Variants in ANK2 observed in about 807,000 individuals in gnomAD.
ANK2 encodes ankyrin 2.
Under a neutral mutation model 360.5 loss-of-function variants are expected in ANK2, and 83 were observed. The observed-to-expected ratio is 0.23, with a 90% CI of 0.19 to 0.28. The LOEUF is 0.28. ANK2 is among the 10% of genes least tolerant of loss of function. The pLI is 1.00. For missense variants in ANK2, 4,201 were observed against 4,795.7 expected, an observed-to-expected ratio of 0.88 and a Z score of 3.66; for synonymous variants, 1,740 against 1,759.5, an observed-to-expected ratio of 0.99 and a Z score of 0.28.
At chr4:113,361,453 C>T (rs2096220271) in intron 39 of ANK2, among the ~76,000 whole-genome samples, 1 of 150,872 alleles carries the variant, frequency 6.6e-6, no homozygotes, top group African/African-American at 2.4e-5. Context: ...ACTTTATTTA[C>T]ACATTATGAA....
chr4:112,967,194 G>A (rs936929290), intron 2 of ANK2, among the ~76,000 whole-genome samples: 1 of 152,174 alleles, frequency 6.6e-6, no homozygotes, highest in Non-Finnish European at 1.5e-5. Flanking sequence ...AGGAGGGTGC[G>A]ATTTGTGAGA....
intron 2 of ANK2, 22 bp downstream of exon 2, chr4:113,174,539 C>T (rs776004030): frequency 6.6e-7 from 1 of 1,526,580 alleles, no homozygotes; most frequent in Non-Finnish European, 9.1e-7. Context: ...GCAGCTAGCT[C>T]TGTGTTGTGC....
intron 2 of ANK2, among the ~76,000 whole-genome samples, chr4:112,928,069 T>C (rs2047645474): frequency 6.6e-6 from 1 of 152,232 alleles, no homozygotes; most frequent in Admixed American, 6.5e-5. Context: ...TTTTGGAATA[T>C]GTCATAAAAA....
chr4:113,247,166 A>C (rs539528419), intron 9 of ANK2, among the ~76,000 whole-genome samples: 2 of 151,980 alleles, frequency 1.3e-5, no homozygotes, highest in African/African-American at 4.8e-5. Flanking sequence ...CTAGAGAAAA[A>C]AAAAAAAACA....
Position 113,196,403 on chromosome 4 carries a change from A to G in ANK2, c.222A>G (p.Glu74=). The change falls in exon 3 of 46, where the codon GAA becomes GAG. Residue 74 remains glutamate, a synonymous_variant. Coordinates refer to ENST00000357077, the MANE Select transcript of ANK2 (RefSeq NM_001148.6). Reference sequence around the variant, plus strand: ...ACGCTCTCCATCTGGCTGCCAAGGAAGGCCACGTGGGGCTGGTGCAGGAGC... The same window carrying G: ...ACGCTCTCCATCTGGCTGCCAAGGAGGGCCACGTGGGGCTGGTGCAGGAGC... The part of the protein sequence containing the change: ...GLNALHLAAK[E]GHVGLVQELL... 1 of 1,613,908 alleles carries G rather than the reference A, an allele frequency of 6.2e-7. No individual in the cohort carries two copies. The highest frequency in any genetic ancestry group is 1.1e-5 in the South Asian group (1 of 90,912).
At chr4:113,215,573 G>C (rs1585066564) in intron 4 of ANK2, among the ~76,000 whole-genome samples, 1 of 152,088 alleles carries the variant, frequency 6.6e-6, no homozygotes, top group African/African-American at 2.4e-5. Context: ...TTCATCTTTT[G>C]TGATTAGCAG....
At chr4:112,901,013 A>G (rs1332192967) in intron 1 of ANK2, among the ~76,000 whole-genome samples, 1 of 152,210 alleles carries the variant, frequency 6.6e-6, no homozygotes, top group African/African-American at 2.4e-5. Context: ...AGTTGAGATA[A>G]TGTATGTAGT....
chr4:113,121,167 C>T (rs1562218244), intron 1 of ANK2, among the ~76,000 whole-genome samples: 3 of 152,142 alleles, frequency 2.0e-5, no homozygotes, highest in Admixed American at 2.0e-4. Flanking sequence ...TTACACACAT[C>T]GTGCTGTTAA....
chr4:112,919,504 T>C (rs1020171057), intron 2 of ANK2, among the ~76,000 whole-genome samples: 2 of 152,140 alleles, frequency 1.3e-5, no homozygotes, highest in South Asian at 2.1e-4. Flanking sequence ...TTAATGTATA[T>C]ACTAATTTTC....
chr4:112,786,547 C>A, the ANK2 span, among the ~76,000 whole-genome samples: 1 of 151,668 alleles, frequency 6.6e-6, no homozygotes, highest in Admixed American at 6.6e-5. Context: ...CAGGTGTGCA[C>A]CACCACACCC....
intron 1 of ANK2, chr4:113,145,488 TTAA>T: frequency 1.0e-5 from 6 of 574,056 alleles, no homozygotes; most frequent in Non-Finnish European, 1.3e-5. Flanking sequence ...CAGCAGGAAC[TTAA>T]GTCCATGTGT....
At chr4:113,021,528 ACC>A (rs1203653406) in intron 2 of ANK2, among the ~76,000 whole-genome samples, 1 of 63,242 alleles carries the variant, frequency 1.6e-5, no homozygotes, top group African/African-American at 6.4e-5. Flanking sequence ...ACACACACAC[ACC>A]CACACACAAA....
intron 2 of ANK2, among the ~76,000 whole-genome samples, chr4:112,971,093 CA>C (rs1250909062): frequency 6.6e-6 from 1 of 152,104 alleles, no homozygotes; most frequent in African/African-American, 2.4e-5. Flanking sequence ...AAAGCTGACT[CA>C]TGAAAATTTA....
intron 4 of ANK2, among the ~76,000 whole-genome samples, chr4:113,225,226 A>G (rs1563001567): frequency 6.6e-6 from 1 of 152,140 alleles, no homozygotes; most frequent in Admixed American, 6.5e-5. Context: ...CACGGAGTTA[A>G]TTGCTCAGTC....
At chr4:112,991,069 G>A (rs886600370) in intron 2 of ANK2, among the ~76,000 whole-genome samples, 1 of 152,050 alleles carries the variant, frequency 6.6e-6, no homozygotes, top group African/African-American at 2.4e-5. Flanking sequence ...GGCCAACATG[G>A]TGAAACCCCG....
the ANK2 span, among the ~76,000 whole-genome samples, chr4:112,730,779 G>C: frequency 6.6e-6 from 1 of 151,844 alleles, no homozygotes; most frequent in South Asian, 2.1e-4. Flanking sequence ...CTGGGAGGCT[G>C]AGGTGGGAGG....
At chr4:113,050,713 G>C (rs1393925345) in intron 1 of ANK2, among the ~76,000 whole-genome samples, 2 of 152,146 alleles carry the variant, frequency 1.3e-5, no homozygotes. Flanking sequence ...CAGGATATTA[G>C]ATATGATTGT....
chr4:113,319,492 T>G (rs866277863), intron 26 of ANK2, among the ~76,000 whole-genome samples: 1 of 151,688 alleles, frequency 6.6e-6, no homozygotes, highest in Admixed American at 6.6e-5. Flanking sequence ...TATCCCCAAA[T>G]CCTTATCCAT....
chr4:113,171,745 A>G (rs1161281734), intron 1 of ANK2, among the ~76,000 whole-genome samples: 1 of 152,236 alleles, frequency 6.6e-6, no homozygotes, highest in Non-Finnish European at 1.5e-5. Context: ...AAGTTTGATG[A>G]AAAGAGAAAA....
Sources: allele counts gnomAD v4.1 joint callset (sites outside exome capture counted in the v4.1 genomes callset), GRCh38; gene constraint gnomAD v4.1.1; transcripts MANE v1.5; gene names NCBI Gene and HGNC (gene_info 2026-07-23, HGNC 2026-07-21).